Variants in RAPGEF4 observed in about 807,000 individuals in gnomAD.
The protein encoded by RAPGEF4 is RAP guanine-nucleotide-exchange factor (GEF) 4.
RAPGEF4 carries 66 observed loss-of-function variants against 147.9 expected under a neutral mutation model. That is an observed-to-expected ratio of 0.45 (90% CI 0.37 to 0.55). The LOEUF (loss-of-function observed/expected upper bound fraction) is 0.55, where lower values mean the gene tolerates loss of function less well. RAPGEF4 is among the 20% of genes least tolerant of loss of function. The probability of loss-of-function intolerance (pLI) is 0.00; values close to 1 mark genes in which losing one functional copy is unlikely to be tolerated. For synonymous variants in RAPGEF4, 419 were observed against 442.7 expected, an observed-to-expected ratio of 0.95 and a Z score of 0.67; for missense variants, 1,071 against 1,257.3, an observed-to-expected ratio of 0.85 and a Z score of 2.24.
intron 4 of RAPGEF4, among the ~76,000 whole-genome samples, chr2:172,913,548 T>A (rs1194591450): frequency 6.6e-6 from 1 of 152,222 alleles, no homozygotes; most frequent in Non-Finnish European, 1.5e-5. Context: ...TCTTCACTCA[T>A]GTGTTGGCTC....
chr2:172,803,093 G>A (rs1574888463), intron 3 of RAPGEF4, among the ~76,000 whole-genome samples: 1 of 152,254 alleles, frequency 6.6e-6, no homozygotes, highest in East Asian at 1.9e-4. Context: ...CAGGTGCATG[G>A]TGCAAGCTAT....
chr2:172,791,308 A>C (rs909472733), intron 1 of RAPGEF4, among the ~76,000 whole-genome samples: 3 of 152,200 alleles, frequency 2.0e-5, no homozygotes, highest in Admixed American at 2.0e-4. Context: ...GTGCAGTAGC[A>C]GATGTGGGAG....
chr2:172,767,462 A>C (rs1476412493), intron 1 of RAPGEF4, among the ~76,000 whole-genome samples: 1 of 152,148 alleles, frequency 6.6e-6, no homozygotes, highest in South Asian at 2.1e-4. Context: ...TACAGGCATG[A>C]GGCACTGAGC....
chr2:172,744,944 A>G (rs1415940066), intron 1 of RAPGEF4, among the ~76,000 whole-genome samples: 1 of 152,130 alleles, frequency 6.6e-6, no homozygotes, highest in Non-Finnish European at 1.5e-5. Flanking sequence ...TTGCCTTCCT[A>G]GAATAGATAC....
chr2:172,878,221 G>T (rs1447892059), intron 4 of RAPGEF4, among the ~76,000 whole-genome samples: 1 of 152,196 alleles, frequency 6.6e-6, no homozygotes, highest in Non-Finnish European at 1.5e-5. Flanking sequence ...TCATTTCTGT[G>T]TAGGTCCTTC....
At chr2:172,966,357 C>T (rs960340903) in intron 9 of RAPGEF4, among the ~76,000 whole-genome samples, 1 of 152,154 alleles carries the variant, frequency 6.6e-6, no homozygotes, top group Non-Finnish European at 1.5e-5. Flanking sequence ...CAGCGTTTCT[C>T]ATACTTTAAT....
intron 3 of RAPGEF4, among the ~76,000 whole-genome samples, chr2:172,801,275 T>A (rs1193573730): frequency 2.0e-5 from 3 of 152,116 alleles, no homozygotes; most frequent in Non-Finnish European, 4.4e-5. Context: ...GGAGGAAAAG[T>A]TACACAGTCT....
chr2:172,782,611 A>C lies in RAPGEF4; in HGVS notation c.66-12414A>C, dbSNP rs76736649. ...GTGTAGCACTAAGTACTACGAAATG[A>C]TTTTTGAGAGCCTTTGCTTACTATG... On this transcript the variant is annotated intron_variant, in intron 1 of 30. Coordinates refer to ENST00000397081, the MANE Select transcript of RAPGEF4 (RefSeq NM_007023.4). 1.1e-3 allele frequency among the ~76,000 whole-genome samples: 175 copies of C among 152,314 alleles called. 1 individual carries two copies. The East Asian group carries it at 0.03, about 27-fold the overall frequency.
chr2:172,898,661 G>C (rs1339089886), intron 4 of RAPGEF4, among the ~76,000 whole-genome samples: 4 of 152,210 alleles, frequency 2.6e-5, no homozygotes, highest in Non-Finnish European at 5.9e-5. Flanking sequence ...TGGAGGGACA[G>C]GTGGGTAGGG....
chr2:172,800,410 G>T (rs184355230), intron 3 of RAPGEF4, among the ~76,000 whole-genome samples: 1,842 of 152,312 alleles, frequency 0.012, 31 homozygotes, highest in African/African-American at 0.042. Flanking sequence ...TTGCAAGGGA[G>T]AAACAAAACT....
intron 15 of RAPGEF4, among the ~76,000 whole-genome samples, chr2:172,992,362 G>A (rs542768349): frequency 3.9e-5 from 6 of 152,310 alleles, no homozygotes; most frequent in African/African-American, 1.4e-4. Context: ...TTTTTTTAAT[G>A]TGAAGGTTGG....
intron 4 of RAPGEF4, among the ~76,000 whole-genome samples, chr2:172,874,506 T>A (rs1473117807): frequency 6.6e-6 from 1 of 152,192 alleles, no homozygotes; most frequent in Non-Finnish European, 1.5e-5. Flanking sequence ...ATGTTTGGTT[T>A]TTTGTCCTTG....
At chr2:172,769,646 G>A (rs1441370668) in intron 1 of RAPGEF4, among the ~76,000 whole-genome samples, 2 of 152,028 alleles carry the variant, frequency 1.3e-5, no homozygotes, top group African/African-American at 2.4e-5. Context: ...ATATTTTGGG[G>A]TATTGCTTTC....
intron 4 of RAPGEF4, among the ~76,000 whole-genome samples, chr2:172,879,968 G>T (rs186822138): frequency 1.3e-5 from 2 of 152,276 alleles, no homozygotes; most frequent in Non-Finnish European, 2.9e-5. Context: ...GGTAGTGGTT[G>T]GTCCATTTAT....
intron 4 of RAPGEF4, among the ~76,000 whole-genome samples, chr2:172,871,143 A>G (rs1695197828): frequency 6.6e-6 from 1 of 152,202 alleles, no homozygotes; most frequent in South Asian, 2.1e-4. Flanking sequence ...ATCATTATCA[A>G]ACTAGACTGT....
chr2:172,923,255 A>G (rs1209716717), intron 6 of RAPGEF4, among the ~76,000 whole-genome samples: 2 of 151,966 alleles, frequency 1.3e-5, no homozygotes, highest in African/African-American at 4.8e-5. Flanking sequence ...CAAACTTGGG[A>G]GGTGGGGGTT....
chr2:172,831,548 C>T (rs182784931), intron 4 of RAPGEF4, among the ~76,000 whole-genome samples: 3 of 151,884 alleles, frequency 2.0e-5, no homozygotes, highest in Admixed American at 6.6e-5. Flanking sequence ...GAATTACAGG[C>T]GTGAGCCACC....
chr2:172,796,739 G>C (rs896373937), intron 2 of RAPGEF4, among the ~76,000 whole-genome samples: 2 of 152,170 alleles, frequency 1.3e-5, no homozygotes, highest in Admixed American at 6.5e-5. Context: ...AGCCTTGCCA[G>C]GACTCGGTTG....
chr2:172,871,022 A>G (rs1381102203), intron 4 of RAPGEF4, among the ~76,000 whole-genome samples: 1 of 152,186 alleles, frequency 6.6e-6, no homozygotes, highest in Admixed American at 6.5e-5. Context: ...CTTAAGTCTC[A>G]GATAGTCTGT....
Sources: gnomAD v4.1 joint callset for allele counts (sites outside exome capture counted in the v4.1 genomes callset) on GRCh38, gnomAD v4.1.1 for gene constraint, MANE v1.5 for transcripts, NCBI Gene and HGNC (gene_info 2026-07-23, HGNC 2026-07-21) for gene names.